The following NCLN variants were observed in gnomAD, a reference collection of about 807,000 sequenced individuals.
NCLN encodes BOS complex subunit NCLN.
A neutral mutation model predicts 69.5 loss-of-function variants in NCLN; 34 were observed. The ratio of observed to expected loss-of-function variants is 0.49; its 90% confidence interval spans 0.37 to 0.65. The LOEUF (loss-of-function observed/expected upper bound fraction) is 0.65. Ranked by LOEUF, NCLN falls within the 30% of genes least tolerant of loss-of-function variation. NCLN has a pLI of 0.00. For missense variants in NCLN, 710 were observed against 804.8 expected (o/e 0.88, Z 1.42); for synonymous variants, 393 against 358.3 (o/e 1.10, Z -1.09).
intron 12 of NCLN, 75 bp from the exon 13 acceptor site, chr19:3,207,123 C>G (rs1345753237): frequency 4.6e-6 from 7 of 1,536,082 alleles, no homozygotes; most frequent in Non-Finnish European, 6.3e-6. Flanking sequence ...CGTGCCCAGT[C>G]TCCATCTCTA....
At position 3,186,138 on chromosome 19, in the gene NCLN, G is replaced by T. The variant is rs201926565; in HGVS notation, c.108G>T (p.Pro36=). ...CTGTGCTGCTGCTGGTGGCGCCGCC[G>T]CTGCCTGCCGCCGACGCCGCGCACG... is the stretch of plus-strand genomic sequence containing the variant. The part of the protein sequence containing the change: ...LPAVLLLVAP[P]LPAADAAHEF... Residue 36 remains proline (P), a synonymous_variant, in exon 1 of 15, where the codon CCG becomes CCT. Transcript: ENST00000246117. The T allele has an allele frequency of 2.3e-5, 36 of 1,595,404 alleles. No individual in the cohort carries two copies. The Admixed American group carries it at 4.6e-4, about 20-fold the overall frequency.
chr19:3,204,297 G>A (rs1481233582), intron 8 of NCLN, among the ~76,000 whole-genome samples, 153 bp downstream of exon 8: 3 of 151,530 alleles, frequency 2.0e-5, no homozygotes, highest in Non-Finnish European at 4.4e-5. Context: ...GTTCTGTCCT[G>A]GGGTGTCCTT....
chr19:3,203,613 A>G, intron 6 of NCLN, 143 bp from the exon 7 acceptor site: 2 of 711,226 alleles, frequency 2.8e-6, no homozygotes, highest in Non-Finnish European at 4.7e-6. Flanking sequence ...CCGAGGGGTC[A>G]TGCCCCGCCC....
chr19:3,207,580 G>A (rs1254240930), intron 14 of NCLN, 49 bp from the exon 15 acceptor site: 3 of 1,610,048 alleles, frequency 1.9e-6, no homozygotes, highest in South Asian at 2.2e-5. Context: ...CACATGACCT[G>A]GGGCTCTGGC....
intron 12 of NCLN, 96 bp from the exon 13 acceptor site, chr19:3,207,102 G>A (rs1916290007): frequency 1.4e-6 from 2 of 1,384,440 alleles, no homozygotes; most frequent in African/African-American, 1.4e-5. Context: ...GGGATTGCAG[G>A]TGTGAGCCAT....
At chr19:3,194,914 C>T (rs1193480269) in intron 3 of NCLN, among the ~76,000 whole-genome samples, 1 of 151,912 alleles carries the variant, frequency 6.6e-6, no homozygotes, top group East Asian at 1.9e-4. Flanking sequence ...TGGCTCACGC[C>T]TGTTGTCCCA....
At chr19:3,202,692 C>T (rs921584095) in intron 6 of NCLN, among the ~76,000 whole-genome samples, 10 of 152,190 alleles carry the variant, frequency 6.6e-5, no homozygotes, top group Non-Finnish European at 1.5e-5. Flanking sequence ...GATCCTCCTG[C>T]CTCAGCCTCC....
chr19:3,208,580 G>A lies in NCLN; in HGVS notation c.*892G>A, dbSNP rs1193104213. 1 of 152,436 alleles carries A rather than the reference G, an allele frequency of 6.6e-6. No homozygotes were observed. Among genetic ancestry groups the A allele is most frequent in the East Asian group, 1.9e-4 (1 of 5,206 alleles). The allele number at this position is 152,436 out of a possible 1,614,324, so 9.4% of individuals were successfully genotyped here. ...CTGGTGTTTCCTGGGCTCGGTACTG[G>A]GCCCCCAGGCCATCCAGGCTTTGCC... On this transcript the variant is annotated 3_prime_UTR_variant, in exon 15 of 15. Transcript: ENST00000246117.
At chr19:3,190,651 A>G (rs1228810485) in intron 1 of NCLN, among the ~76,000 whole-genome samples, 2 of 152,092 alleles carry the variant, frequency 1.3e-5, no homozygotes, top group Non-Finnish European at 2.9e-5. Context: ...GCTGGCTCCC[A>G]CGGGGACGCT....
chr19:3,204,538 C>T (rs763453609), intron 8 of NCLN, 35 bp from the exon 9 acceptor site: 130 of 1,501,728 alleles, frequency 8.7e-5, no homozygotes, highest in East Asian at 3.3e-4. Flanking sequence ...CCGCCATCCC[C>T]GCCTGCCCTC....
Position 3,201,609 on chromosome 19 carries a change from C to A in NCLN, c.783C>A (p.Tyr261Ter). ...LARLFSRLYT[Y>*]KRTHAAYNLL... ...GCCTCTTCTCCCGGCTCTACACCTACAAGCGCACGCACGCCGCGTGAGTGC... is the reference window on the plus strand; with the variant it reads ...GCCTCTTCTCCCGGCTCTACACCTAAAAGCGCACGCACGCCGCGTGAGTGC... Residue 261 changes from tyrosine to a stop codon, truncating the protein, a stop_gained, in exon 6 of 15, where the codon TAC becomes TAA. Transcript: ENST00000246117. LOFTEE classifies it high-confidence loss of function. 1 of 1,542,258 alleles carries A rather than the reference C, an allele frequency of 6.5e-7. No individual in the cohort carries two copies. The highest frequency in any genetic ancestry group is 8.7e-7 in the Non-Finnish European group (1 of 1,149,352).
Position 3,205,872 on chromosome 19 carries a change from C to G in NCLN, c.1209-67C>G. On this transcript the variant is annotated intron_variant, in intron 9 of 14. Transcript: ENST00000246117. The surrounding 1 kb of genome is among the most constrained non-coding windows in gnomAD (Gnocchi z 4.6). ...CTCCTAGGCTGGAGTGCTGGGATTACAAGTGTGAGAGCTACCTTGCCTGGC... is the reference window on the plus strand; with the variant it reads ...CTCCTAGGCTGGAGTGCTGGGATTAGAAGTGTGAGAGCTACCTTGCCTGGC... The G allele has an allele frequency of 6.4e-6, 9 of 1,415,690 alleles. No individual in the cohort carries two copies. The highest frequency in any genetic ancestry group is 9.0e-6 in the Non-Finnish European group (9 of 1,003,086). The allele number at this position is 1,415,690 out of a possible 1,614,324, so 87.7% of individuals were successfully genotyped here.
chr19:3,188,943 C>T (rs965450965), intron 1 of NCLN, among the ~76,000 whole-genome samples: 1 of 152,234 alleles, frequency 6.6e-6, no homozygotes, highest in Non-Finnish European at 1.5e-5. Flanking sequence ...CCTTGAGAAG[C>T]CCCAGCGTGC....
At position 3,207,179 on chromosome 19, in the gene NCLN, G is replaced by T. The variant is rs372056774; in HGVS notation, c.1500-19G>T. ...AGCTGGGCGCAGTGGTGCCCCCTGAGAAAGTGCTCTCTCCCCAGGGACCCA... is the reference window on the plus strand; with the variant it reads ...AGCTGGGCGCAGTGGTGCCCCCTGATAAAGTGCTCTCTCCCCAGGGACCCA... On this transcript the variant is annotated intron_variant, in intron 12 of 14. Transcript: ENST00000246117. 2 of 1,613,548 alleles carry T rather than the reference G, an allele frequency of 1.2e-6. No homozygotes were observed.
intron 1 of NCLN, among the ~76,000 whole-genome samples, chr19:3,189,681 C>T (rs1045782145): frequency 2.6e-5 from 4 of 152,228 alleles, no homozygotes; most frequent in Non-Finnish European, 5.9e-5. Flanking sequence ...GTGCTGGTTT[C>T]GCCTCCGCAG....
chr19:3,198,864 C>T lies in NCLN; in HGVS notation c.663C>T (p.Ile221=), dbSNP rs150799648. ...GAGAGGACCTTCCCACCATCGTCAT[C>T]GTGGCCCACTACGACGCCTTTGGAG... ...LGGEDLPTIV[I]VAHYDAFGVA... Residue 221 remains isoleucine, a synonymous_variant, in exon 5 of 15, where the codon ATC becomes ATT. Coordinates refer to ENST00000246117, the MANE Select transcript of NCLN (RefSeq NM_020170.4). The T allele has an allele frequency of 6.2e-5, 97 of 1,564,706 alleles. No individual in the cohort carries two copies. The East Asian group carries it at 9.5e-4, about 15-fold the overall frequency.
chr19:3,193,470 G>A (rs761880108), intron 3 of NCLN, 42 bp downstream of exon 3: 3 of 1,545,540 alleles, frequency 1.9e-6, no homozygotes, highest in East Asian at 2.3e-5. Flanking sequence ...GGGCGTGGGT[G>A]TGGGGAGGCG....
At chr19:3,204,997 C>T (rs1448394444) in intron 9 of NCLN, among the ~76,000 whole-genome samples, 3 of 152,304 alleles carry the variant, frequency 2.0e-5, no homozygotes, top group South Asian at 2.1e-4. Flanking sequence ...CCCCAGACCC[C>T]GTCACCTGTT....
chr19:3,191,979 G>A (rs1006720358), intron 1 of NCLN, among the ~76,000 whole-genome samples: 1 of 152,096 alleles, frequency 6.6e-6, no homozygotes, highest in African/African-American at 2.4e-5. Flanking sequence ...ACCTGGGGTC[G>A]GGAGTTTGAG....
Sources: allele counts gnomAD v4.1 joint callset (sites outside exome capture counted in the v4.1 genomes callset), GRCh38; gene constraint gnomAD v4.1.1; non-coding constraint Gnocchi (gnomAD v3.1); transcripts MANE v1.5; gene names NCBI Gene and HGNC (gene_info 2026-07-23, HGNC 2026-07-21).